CFHR5: variants seen among roughly 807,000 people sequenced by gnomAD.
CFHR5 encodes the protein complement factor H related 5.
CFHR5 carries 73 observed loss-of-function variants against 62.9 expected under a neutral mutation model. That is an observed-to-expected ratio of 1.16 (90% confidence interval 0.96 to 1.41). CFHR5 has a LOEUF of 1.41. Among genes scored for constraint, CFHR5 ranks in the 40% most tolerant of loss-of-function variants. The probability of loss-of-function intolerance (pLI) is 0.00; values close to 1 mark genes in which losing one functional copy is unlikely to be tolerated. For synonymous variants in CFHR5, 249 were observed against 227.2 expected (o/e 1.10, Z -0.86); for missense variants, 779 against 679.9 (o/e 1.15, Z -1.62).
intron 4 of CFHR5, 25 bp downstream of exon 4, chr1:196,994,281 G>T (rs769856245): frequency 1.3e-6 from 2 of 1,573,988 alleles, no homozygotes; most frequent in Non-Finnish European, 1.7e-6. Flanking sequence ...TAGAAGTGAT[G>T]AAACAAGAAT....
chr1:196,992,178 G>A (rs1267154575), intron 3 of CFHR5, among the ~76,000 whole-genome samples: 1 of 152,176 alleles, frequency 6.6e-6, no homozygotes, highest in Admixed American at 6.5e-5. Context: ...GGCTCTGTGG[G>A]CGTGGTAACT....
At chr1:196,993,763 A>G (rs1021058327) in intron 3 of CFHR5, among the ~76,000 whole-genome samples, 17 of 152,300 alleles carry the variant, frequency 1.1e-4, no homozygotes, top group African/African-American at 4.1e-4. Context: ...TTATTAAACA[A>G]TAAAATTAGA....
chr1:196,985,604 T>C (rs895407774), intron 3 of CFHR5, among the ~76,000 whole-genome samples: 1 of 152,204 alleles, frequency 6.6e-6, no homozygotes, highest in Non-Finnish European at 1.5e-5. Context: ...CTTTCTCTTA[T>C]CCATACCTGT....
At chr1:197,005,824 T>C (rs929717797) in intron 9 of CFHR5, among the ~76,000 whole-genome samples, 2 of 152,084 alleles carry the variant, frequency 1.3e-5, no homozygotes, top group Non-Finnish European at 1.5e-5. Flanking sequence ...CCACCTTCTG[T>C]AGTAACAAAT....
chr1:196,992,765 C>A (rs115061074), intron 3 of CFHR5, among the ~76,000 whole-genome samples: 2,173 of 152,156 alleles, frequency 0.014, 45 homozygotes, highest in African/African-American at 0.045. Context: ...ACTGGAATAA[C>A]AAACAGAGAT....
chr1:197,005,908 T>C (rs1654276183), intron 9 of CFHR5, among the ~76,000 whole-genome samples: 1 of 152,202 alleles, frequency 6.6e-6, no homozygotes, highest in Middle Eastern at 3.2e-3. Context: ...CAGGATATCA[T>C]TAAAATTGTG....
intron 7 of CFHR5, among the ~76,000 whole-genome samples, chr1:197,001,599 C>T (rs1654156175): frequency 6.6e-6 from 1 of 151,518 alleles, no homozygotes; most frequent in Non-Finnish European, 1.5e-5. Context: ...ATGTGCACAA[C>T]GTGCAGGTTT....
intron 1 of CFHR5, among the ~76,000 whole-genome samples, chr1:196,980,591 C>CGT (rs57437038): frequency 0.034 from 5,018 of 145,494 alleles, 94 homozygotes; most frequent in Admixed American, 0.062. Flanking sequence ...TGTATATATA[C>CGT]GTGTGTGTGT....
chr1:196,995,899 G>T lies in CFHR5; in HGVS notation c.790G>T (p.Glu264Ter). The T allele has an allele frequency of 6.2e-7, 1 of 1,611,072 alleles. No homozygotes were observed. Among genetic ancestry groups the T allele is most frequent in the South Asian group, 1.1e-5 (1 of 90,990 alleles). ...ATGGACAACTTTACCCACTTGTGTT[G>T]GTAAATAAATATTAACATTTAAACA... The part of the protein sequence containing the change: ...GEWTTLPTCV[E>*]QVKTCGYIPE... Residue 264 changes from glutamate (E) to a stop codon, truncating the protein, a stop_gained and splice_region_variant, in exon 5 of 10, where the codon GAA (glutamate) becomes TAA (stop). Transcript: ENST00000256785. LOFTEE classifies it high-confidence loss of function.
intron 3 of CFHR5, among the ~76,000 whole-genome samples, chr1:196,988,278 A>T (rs1653748888): frequency 6.6e-6 from 1 of 152,132 alleles, no homozygotes; most frequent in Non-Finnish European, 1.5e-5. Context: ...GGCTGAGACG[A>T]TGGGGTTTTC....
chr1:196,997,042 A>C (rs111328085), intron 6 of CFHR5, among the ~76,000 whole-genome samples: 1,766 of 152,042 alleles, frequency 0.012, 28 homozygotes, highest in Non-Finnish European at 0.015. Flanking sequence ...CAATACATTA[A>C]AGCCTCTAAT....
At chr1:196,997,797 C>T (rs1195494412) in intron 6 of CFHR5, among the ~76,000 whole-genome samples, 1 of 152,094 alleles carries the variant, frequency 6.6e-6, no homozygotes, top group Non-Finnish European at 1.5e-5. Flanking sequence ...TAGTGCAAAA[C>T]AATCATACAT....
At chr1:197,002,280 C>T (rs746014730) in intron 7 of CFHR5, among the ~76,000 whole-genome samples, 18 of 151,818 alleles carry the variant, frequency 1.2e-4, no homozygotes, top group Admixed American at 7.9e-4. Context: ...CAAAAAGAAT[C>T]GCTTTTTAAA....
chr1:196,991,166 G>A (rs1428715151), intron 3 of CFHR5, among the ~76,000 whole-genome samples: 1 of 152,016 alleles, frequency 6.6e-6, no homozygotes, highest in Non-Finnish European at 1.5e-5. Context: ...GGCTATTGAA[G>A]CTTGTACATG....
At chr1:197,000,028 A>G (rs1034197786) in intron 7 of CFHR5, among the ~76,000 whole-genome samples, 2 of 151,982 alleles carry the variant, frequency 1.3e-5, no homozygotes, top group South Asian at 4.1e-4. Context: ...CTAATCAAGA[A>G]TGGTGTGCAT....
rs1308367847 is a variant in CFHR5, at chr1:197,008,821, T to G, written c.*138T>G. The G allele has an allele frequency of 1.4e-6, 1 of 720,350 alleles. No homozygotes were observed. Among genetic ancestry groups the G allele is most frequent in the Non-Finnish European group, 2.4e-6 (1 of 416,832 alleles). The allele number at this position is 720,350 out of a possible 1,614,324, so 44.6% of individuals were successfully genotyped here. ...TCAGTTTTATTTAGAACTCTGGATT[T>G]TTAGAGCTTTAGAAATTTGTAAGCT... On this transcript the variant is annotated 3_prime_UTR_variant, in exon 10 of 10. Coordinates refer to ENST00000256785, the MANE Select transcript of CFHR5 (RefSeq NM_030787.4).
chr1:196,984,034 T>G lies in CFHR5; in HGVS notation c.327T>G (p.Thr109=). The G allele has an allele frequency of 1.2e-6, 2 of 1,612,944 alleles. No homozygotes were observed. The highest frequency in any genetic ancestry group is 1.7e-6 in the Non-Finnish European group (2 of 1,179,048). The part of the protein sequence containing the change: ...SSGLIHLEGD[T]VQIICNTGYS... ...GACTAATACATCTGGAAGGTGATACTGTACAAATTATTTGCAACACAGGAT... is the reference window on the plus strand; with the variant it reads ...GACTAATACATCTGGAAGGTGATACGGTACAAATTATTTGCAACACAGGAT... The change falls in exon 3 of 10, where the codon ACT becomes ACG. Residue 109 remains threonine, a synonymous_variant. Transcript: ENST00000256785.
chr1:196,989,641 C>T (rs1370250092), intron 3 of CFHR5, among the ~76,000 whole-genome samples: 1 of 152,152 alleles, frequency 6.6e-6, no homozygotes, highest in Non-Finnish European at 1.5e-5. Flanking sequence ...GGTAGTCATT[C>T]AGGAGCAGGG....
At chr1:197,002,742 A>G in intron 8 of CFHR5, 78 bp downstream of exon 8, 2 of 1,192,240 alleles carry the variant, frequency 1.7e-6, no homozygotes, top group East Asian at 2.5e-5. Flanking sequence ...GAAAGAAACA[A>G]GAACTTATGA....
Sources: gnomAD v4.1 joint callset for allele counts (sites outside exome capture counted in the v4.1 genomes callset) on GRCh38, gnomAD v4.1.1 for gene constraint, MANE v1.5 for transcripts, NCBI Gene and HGNC (gene_info 2026-07-23, HGNC 2026-07-21) for gene names.